STK3: variants seen among roughly 807,000 people sequenced by gnomAD.
The protein encoded by STK3 is serine/threonine kinase 3, also known as serine/threonine-protein kinase 3.
STK3 carries 41 observed loss-of-function variants against 58.0 expected under a neutral mutation model. The observed-to-expected ratio is 0.71, with a 90% CI of 0.55 to 0.92. The LOEUF (loss-of-function observed/expected upper bound fraction) is 0.92. Ranked by LOEUF, STK3 falls within the 40% of genes least tolerant of loss-of-function variation. The pLI is 0.00. For synonymous variants in STK3, 170 were observed against 191.0 expected (o/e 0.89, Z 0.91); for missense variants, 479 against 602.7 (o/e 0.79, Z 2.15).
chr8:98,431,472 C>T (rs1458255057), intron 3 of STK3: 2 of 167,120 alleles, frequency 1.2e-5, no homozygotes, highest in East Asian at 1.9e-4. Flanking sequence ...TGCTTCCAGC[C>T]CTGGAAGGCA....
intron 1 of STK3, among the ~76,000 whole-genome samples, chr8:98,919,982 A>G (rs1428797114): frequency 6.6e-6 from 1 of 152,212 alleles, no homozygotes; most frequent in Non-Finnish European, 1.5e-5. Context: ...CTTTTGCCTT[A>G]TGAATCCAAT....
the STK3 span, among the ~76,000 whole-genome samples, chr8:98,344,669 G>A: frequency 2.0e-5 from 3 of 151,858 alleles, no homozygotes; most frequent in Admixed American, 1.3e-4. Context: ...CGAGGCGGGC[G>A]GATCACGAGG....
At chr8:98,889,063 AC>A (rs1272478939) in intron 1 of STK3, among the ~76,000 whole-genome samples, 1 of 152,182 alleles carries the variant, frequency 6.6e-6, no homozygotes, top group African/African-American at 2.4e-5. Context: ...ATAACTTAAA[AC>A]AGAGCGACCC....
intron 3 of STK3, among the ~76,000 whole-genome samples, chr8:98,419,489 A>C (rs1818148212): frequency 2.0e-5 from 3 of 152,200 alleles, no homozygotes; most frequent in Admixed American, 2.0e-4. Flanking sequence ...TCACAGTGGA[A>C]GACTTTATTC....
intron 6 of STK3, chr8:98,633,654 G>C: frequency 1.4e-6 from 1 of 712,566 alleles, no homozygotes; most frequent in South Asian, 1.5e-5. Flanking sequence ...TAAGGAACTT[G>C]ATCCTGTACA....
intron 10 of STK3, among the ~76,000 whole-genome samples, chr8:98,467,548 A>ATGTGTGTGTGTGTG (rs61136775): frequency 6.8e-6 from 1 of 148,084 alleles, no homozygotes; most frequent in Admixed American, 6.8e-5. Context: ...TATTTAAAAA[A>ATGTGTGTGTGTGTG]TGTGTGTGTG....
At chr8:98,656,804 A>C (rs979934517) in intron 6 of STK3, among the ~76,000 whole-genome samples, 2 of 152,080 alleles carry the variant, frequency 1.3e-5, no homozygotes, top group African/African-American at 4.8e-5. Context: ...CAAGGCCTCA[A>C]TTCTGATTCA....
chr8:98,429,500 T>C (rs544141365), intron 3 of STK3: 1 of 939,904 alleles, frequency 1.1e-6, no homozygotes, highest in South Asian at 1.6e-5. Flanking sequence ...GGTTATGGTG[T>C]AAGGAGTATG....
intron 6 of STK3, among the ~76,000 whole-genome samples, chr8:98,660,459 A>C (rs552278392): frequency 6.6e-6 from 1 of 152,204 alleles, no homozygotes; most frequent in East Asian, 1.9e-4. Context: ...ATGTAAAGTA[A>C]AAATGGAAGA....
chr8:98,749,422 G>A, intron 3 of STK3, 32 bp from the exon 4 acceptor site: 1 of 1,288,894 alleles, frequency 7.8e-7, no homozygotes, highest in Non-Finnish European at 1.1e-6. Context: ...ATTAAATTTA[G>A]TTAATTCCCA....
chr8:98,806,151 T>G (rs1833872387), intron 1 of STK3, among the ~76,000 whole-genome samples: 1 of 152,208 alleles, frequency 6.6e-6, no homozygotes. Flanking sequence ...CTATTTCCAT[T>G]AAATACCTAC....
At chr8:98,649,679 T>C (rs1346149051) in intron 6 of STK3, among the ~76,000 whole-genome samples, 1 of 152,170 alleles carries the variant, frequency 6.6e-6, no homozygotes, top group Non-Finnish European at 1.5e-5. Flanking sequence ...TCTCACTTTT[T>C]TCTCCATAAT....
At chr8:98,774,889 A>T in intron 1 of STK3, 70 bp from the exon 2 acceptor site, 6 of 1,075,496 alleles carry the variant, frequency 5.6e-6, no homozygotes, top group Non-Finnish European at 7.8e-6. Flanking sequence ...TTAATTTTTA[A>T]AATTTTACCA....
In STK3 at chr8:98,849,242, AAG is replaced by A. The variant is rs1432046047; in HGVS notation, c.110+34403_110+34404del. 6.4e-3 allele frequency among the ~76,000 whole-genome samples: 968 copies of A among 151,332 alleles called. 7 individuals are homozygous for A. Among genetic ancestry groups the A allele is most frequent in the African/African-American group, 0.022 (914 of 40,874 alleles). ...CTCCATCTCAAAAAAAAAAAAAAAA[AAG>A]AAATTCTTAAAAGCATAAAAAATCA... On this transcript the variant is annotated intron_variant, in intron 3 of 12. Coordinates refer to the STK3 transcript ENST00000523601.
At chr8:98,618,637 T>C (rs2130347849) in intron 6 of STK3, among the ~76,000 whole-genome samples, 1 of 143,244 alleles carries the variant, frequency 7.0e-6, no homozygotes, top group East Asian at 2.1e-4. Context: ...AAAATCAATG[T>C]ACAAAAATCA....
chr8:98,924,975 A>T (rs1320119493), intron 1 of STK3, among the ~76,000 whole-genome samples: 1 of 152,228 alleles, frequency 6.6e-6, no homozygotes, highest in Non-Finnish European at 1.5e-5. Flanking sequence ...TGATTTTGAA[A>T]TAATGAGGGA....
chr8:98,433,491 T>A (rs1818376588), intron 3 of STK3, among the ~76,000 whole-genome samples: 1 of 152,210 alleles, frequency 6.6e-6, no homozygotes, highest in South Asian at 2.1e-4. Context: ...GCCACTGGGC[T>A]GACTTGGTTC....
the STK3 span, among the ~76,000 whole-genome samples, chr8:98,344,479 G>A: frequency 6.6e-6 from 1 of 152,234 alleles, no homozygotes. Context: ...AGGCATCCTT[G>A]CTGCCCAGTG....
chr8:98,717,807 G>A (rs1422547591), intron 4 of STK3, among the ~76,000 whole-genome samples: 1 of 152,086 alleles, frequency 6.6e-6, no homozygotes, highest in Non-Finnish European at 1.5e-5. Context: ...AATGTCATTC[G>A]ACAGACAAAT....
Sources: allele counts gnomAD v4.1 joint callset (sites outside exome capture counted in the v4.1 genomes callset), GRCh38; gene constraint gnomAD v4.1.1; transcripts MANE v1.5; gene names NCBI Gene and HGNC (gene_info 2026-07-23, HGNC 2026-07-21).